The following FAF1 variants were observed in gnomAD, a reference collection of about 807,000 sequenced individuals.
FAF1 encodes the protein Fas associated factor 1, also known as FAS-associated factor 1.
In FAF1, 25 loss-of-function variants were observed where a neutral mutation model predicts 92.5. That is an observed-to-expected ratio of 0.27 (90% CI 0.20 to 0.38). The LOEUF (loss-of-function observed/expected upper bound fraction) is 0.38. Ranked by LOEUF, FAF1 falls within the 10% of genes least tolerant of loss-of-function variation. The pLI is 1.00. For synonymous variants in FAF1, 234 were observed against 273.2 expected (o/e 0.86, Z 1.42); for missense variants, 636 against 793.3 (o/e 0.80, Z 2.38).
rs544950885 is a variant in FAF1, at chr1:50,909,222, TAG to T, written c.45+50543_45+50544del. Among the ~76,000 whole-genome samples, 56 of 152,358 alleles carry T rather than the reference TAG, an allele frequency of 3.7e-4. No individual in the cohort carries two copies. The Middle Eastern group carries it at 0.017, about 46-fold the overall frequency. ...TTGGACCCCACTCTCTTCTGGCTGGTAGAGTTTCTGCCCAGAGATCCGCTGTT... is the reference window on the plus strand; with the variant it reads ...TTGGACCCCACTCTCTTCTGGCTGGTAGTTTCTGCCCAGAGATCCGCTGTT... On this transcript the variant is annotated intron_variant, in intron 1 of 18. Coordinates refer to ENST00000396153, the MANE Select transcript of FAF1 (RefSeq NM_007051.3).
intron 2 of FAF1, among the ~76,000 whole-genome samples, chr1:50,819,732 TATATATACATATATATATAC>T (rs1644020235): frequency 1.1e-4 from 3 of 26,286 alleles, no homozygotes; most frequent in Non-Finnish European, 1.9e-4. Flanking sequence ...TATATATACA[TATATATACATATATATATAC>T]ATATATATAT....
At chr1:50,834,979 AC>A (rs1644187296) in intron 2 of FAF1, among the ~76,000 whole-genome samples, 1 of 152,226 alleles carries the variant, frequency 6.6e-6, no homozygotes. Flanking sequence ...GCAACAGATA[AC>A]ACAGCAAAGA....
chr1:50,695,275 G>A (rs759170478), intron 7 of FAF1, among the ~76,000 whole-genome samples: 2 of 151,944 alleles, frequency 1.3e-5, no homozygotes, highest in African/African-American at 4.8e-5. Flanking sequence ...AGGCATGGTT[G>A]CATGCACCTG....
intron 15 of FAF1, among the ~76,000 whole-genome samples, chr1:50,516,958 A>G (rs1471957835): frequency 2.0e-5 from 3 of 152,208 alleles, no homozygotes; most frequent in Non-Finnish European, 2.9e-5. Flanking sequence ...GAATATTTGC[A>G]GTGAACAGAC....
chr1:50,766,791 CA>C (rs765570305), intron 4 of FAF1, among the ~76,000 whole-genome samples: 1,354 of 61,932 alleles, frequency 0.022, 25 homozygotes, highest in African/African-American at 0.071. Flanking sequence ...AGCAAGCAAG[CA>C]AAAAAAAAAA....
At chr1:50,725,011 T>C (rs1443369510) in intron 6 of FAF1, among the ~76,000 whole-genome samples, 1 of 152,186 alleles carries the variant, frequency 6.6e-6, no homozygotes, top group East Asian at 1.9e-4. Flanking sequence ...TAGAGCAAGA[T>C]TTAAATTTAG....
At chr1:50,888,855 G>A (rs1349243226) in intron 1 of FAF1, among the ~76,000 whole-genome samples, 1 of 152,154 alleles carries the variant, frequency 6.6e-6, no homozygotes, top group Non-Finnish European at 1.5e-5. Flanking sequence ...CCAGGCTTTG[G>A]TATCAGGATG....
At chr1:50,800,236 T>C (rs573374845) in intron 3 of FAF1, among the ~76,000 whole-genome samples, 2 of 152,212 alleles carry the variant, frequency 1.3e-5, no homozygotes, top group African/African-American at 4.8e-5. Flanking sequence ...AGTTCACCTA[T>C]GGCAAATGCT....
At chr1:50,808,886 C>T (rs1193871108) in intron 2 of FAF1, among the ~76,000 whole-genome samples, 1 of 152,026 alleles carries the variant, frequency 6.6e-6, no homozygotes, top group Non-Finnish European at 1.5e-5. Flanking sequence ...AGCAGCACAT[C>T]CAGTAAGGGC....
intron 4 of FAF1, among the ~76,000 whole-genome samples, chr1:50,785,064 C>G (rs1661310568): frequency 7.1e-6 from 1 of 141,104 alleles, no homozygotes; most frequent in South Asian, 2.3e-4. Context: ...AAACATAAGA[C>G]TTGAAACTAT....
intron 3 of FAF1, among the ~76,000 whole-genome samples, chr1:50,800,420 G>T (rs1440982933): frequency 1.3e-5 from 2 of 152,124 alleles, no homozygotes; most frequent in African/African-American, 4.8e-5. Context: ...AGCCATAAAG[G>T]AAGTTCATCT....
chr1:50,624,002 GAAGAAGAAAGAAGAAGAAGA>G (rs200434749), intron 8 of FAF1, among the ~76,000 whole-genome samples: 13,880 of 151,384 alleles, frequency 0.092, 811 homozygotes, highest in African/African-American at 0.17. Flanking sequence ...GAAGAAGGAA[GAAGAAGAAAGAAGAAGAAGA>G]AAGAAGAAAG....
chr1:50,666,507 C>A (rs763418160), intron 7 of FAF1, among the ~76,000 whole-genome samples: 2 of 152,176 alleles, frequency 1.3e-5, no homozygotes, highest in African/African-American at 4.8e-5. Flanking sequence ...CTGTGCCCAG[C>A]TACCGGACAC....
chr1:50,616,088 C>A (rs1478552921), intron 8 of FAF1, among the ~76,000 whole-genome samples: 1 of 152,120 alleles, frequency 6.6e-6, no homozygotes, highest in Non-Finnish European at 1.5e-5. Flanking sequence ...AGCCAGTTAT[C>A]CCAGCACATT....
chr1:50,718,866 G>C lies in FAF1; in HGVS notation c.552-12975C>G, dbSNP rs74080053. 5.7e-3 allele frequency among the ~76,000 whole-genome samples: 865 copies of C among 152,118 alleles called. 6 individuals are homozygous for C. The highest frequency in any genetic ancestry group is 0.02 in the African/African-American group (829 of 41,506). ...ACATCAAGATTTTAAATTAAAAAGC[G>C]TGACACATGGCAATTTAAATTTCCA... On this transcript the variant is annotated intron_variant, in intron 6 of 18. Transcript: ENST00000396153.
intron 5 of FAF1, among the ~76,000 whole-genome samples, chr1:50,743,619 C>A (rs868095286): frequency 6.6e-6 from 1 of 152,086 alleles, no homozygotes; most frequent in Non-Finnish European, 1.5e-5. Context: ...TGAGCCACTG[C>A]GCCCAGCCAA....
At chr1:50,563,115 T>C (rs756333825) in intron 13 of FAF1, among the ~76,000 whole-genome samples, 1 of 152,224 alleles carries the variant, frequency 6.6e-6, no homozygotes, top group Non-Finnish European at 1.5e-5. Flanking sequence ...TGAGTATCTG[T>C]GGATTTTGGT....
rs1042338323 is a variant in FAF1, at chr1:50,659,927, CTTAT to C, written c.658-4403_658-4400del. Reference sequence around the variant, plus strand: ...AATTAATATGGTACTGATTTGTTTCCTTATTTGTCATTGCTAATAAACACCTGTT... The same window carrying C: ...AATTAATATGGTACTGATTTGTTTCCTTGTCATTGCTAATAAACACCTGTT... On this transcript the variant is annotated intron_variant, in intron 7 of 18. Transcript: ENST00000396153. Among the ~76,000 whole-genome samples the C allele has an allele frequency of 8.8e-4, 134 of 152,052 alleles. 1 individual carries two copies. Among genetic ancestry groups the C allele is most frequent in the African/African-American group, 2.8e-3 (118 of 41,484 alleles).
chr1:50,518,043 T>A (rs1647281724), intron 15 of FAF1, among the ~76,000 whole-genome samples: 1 of 152,236 alleles, frequency 6.6e-6, no homozygotes, highest in African/African-American at 2.4e-5. Context: ...TATAGATTCA[T>A]GTAACCACCA....
Sources: gnomAD v4.1 joint callset for allele counts (sites outside exome capture counted in the v4.1 genomes callset) on GRCh38, gnomAD v4.1.1 for gene constraint, MANE v1.5 for transcripts, NCBI Gene and HGNC (gene_info 2026-07-23, HGNC 2026-07-21) for gene names.